Variants in MND1 observed in about 807,000 individuals in gnomAD.
MND1 encodes meiotic nuclear divisions 1.
In MND1, 28 loss-of-function variants were observed where a neutral mutation model predicts 35.1. That is an observed-to-expected ratio of 0.80 (90% CI 0.59 to 1.09). The LOEUF (loss-of-function observed/expected upper bound fraction) is 1.09. Among genes scored for constraint, MND1 ranks in the 50% least tolerant of loss-of-function variants. The probability of loss-of-function intolerance (pLI) is 0.00; values close to 1 mark genes in which losing one functional copy is unlikely to be tolerated. For missense variants in MND1, 213 were observed against 239.6 expected (o/e 0.89, Z 0.73); for synonymous variants, 69 against 70.5 (o/e 0.98, Z 0.11).
At chr4:153,383,453 T>C (rs1021581728) in intron 4 of MND1, among the ~76,000 whole-genome samples, 1 of 152,214 alleles carries the variant, frequency 6.6e-6, no homozygotes, top group Non-Finnish European at 1.5e-5. Context: ...AGCTTAAATA[T>C]ATCCTAGGCC....
chr4:153,391,245 C>T (rs534502153), intron 4 of MND1, among the ~76,000 whole-genome samples: 1 of 152,010 alleles, frequency 6.6e-6, no homozygotes, highest in South Asian at 2.1e-4. Context: ...CTCATTGCAA[C>T]CTCTGCCTCC....
chr4:153,412,557 A>G lies in MND1; in HGVS notation c.512-2194A>G, dbSNP rs1159115765. On this transcript the variant is annotated intron_variant, in intron 7 of 7. Coordinates refer to ENST00000240488, the MANE Select transcript of MND1 (RefSeq NM_032117.4). ...GAGTGCAGTGGTGCAATCTCAGCTC[A>G]TCGCAACCTCCACCTCCCTGGTTCA... Among the ~76,000 whole-genome samples the G allele has an allele frequency of 4.0e-5, 6 of 148,740 alleles. No individual in the cohort carries two copies. The East Asian group carries it at 1.2e-3, about 29-fold the overall frequency.
intron 4 of MND1, among the ~76,000 whole-genome samples, chr4:153,385,252 T>G (rs992904702): frequency 6.6e-6 from 1 of 152,230 alleles, no homozygotes; most frequent in African/African-American, 2.4e-5. Flanking sequence ...AAATTTGATA[T>G]CTCCCGAAAT....
At chr4:153,381,684 ATATATATATTTTTTTTTT>A (rs1451645323) in intron 4 of MND1, 2 of 18,722 alleles carry the variant, frequency 1.1e-4, no homozygotes, top group South Asian at 2.3e-3. Context: ...ATATATATAT[ATATATATATTTTTTTTTT>A]TTTTTTTTTT....
At chr4:153,362,256 C>A (rs2149635754) in intron 4 of MND1, among the ~76,000 whole-genome samples, 1 of 152,246 alleles carries the variant, frequency 6.6e-6, no homozygotes, top group African/African-American at 2.4e-5. Context: ...CACTCCCAAA[C>A]CTCATGTCAA....
chr4:153,363,072 A>T, intron 4 of MND1: 1 of 936,990 alleles, frequency 1.1e-6, no homozygotes, highest in Non-Finnish European at 1.3e-6. Context: ...ACTTTGAGCT[A>T]TATGCTGGAG....
chr4:153,371,775 A>C (rs80119931), intron 4 of MND1, among the ~76,000 whole-genome samples: 2,602 of 152,148 alleles, frequency 0.017, 54 homozygotes, highest in East Asian at 0.076. Context: ...AATTTCTTTC[A>C]GGAACTTTTC....
intron 4 of MND1, among the ~76,000 whole-genome samples, chr4:153,377,837 C>G (rs1728554506): frequency 6.6e-6 from 1 of 152,096 alleles, no homozygotes; most frequent in Admixed American, 6.5e-5. Flanking sequence ...TTTTCTTTTT[C>G]TTTATCTATA....
Position 153,358,548 on chromosome 4 carries a change from T to TG in MND1, c.202_203insG (p.Ser68CysfsTer2). 6.2e-7 allele frequency: 1 copy of TG among 1,613,704 alleles called. No homozygotes were observed. Among genetic ancestry groups the TG allele is most frequent in the South Asian group, 1.1e-5 (1 of 91,016 alleles). On this transcript the variant is annotated frameshift_variant, in exon 4 of 8. Transcript: ENST00000240488. LOFTEE classifies it high-confidence loss of function. ...GGTTGACTGTGAGAGGATCGGAACT[T>TG]CTAATTATTATTGGGCTTTTCCAAG...
chr4:153,400,186 G>A (rs1027131755), intron 6 of MND1, among the ~76,000 whole-genome samples: 2 of 151,988 alleles, frequency 1.3e-5, no homozygotes, highest in African/African-American at 2.4e-5. Flanking sequence ...TGGGATTACA[G>A]GTGTGATTCA....
At chr4:153,411,230 G>A (rs1729673062) in intron 7 of MND1, among the ~76,000 whole-genome samples, 1 of 152,148 alleles carries the variant, frequency 6.6e-6, no homozygotes, top group African/African-American at 2.4e-5. Context: ...ATCTTAATGA[G>A]TGAAGAGGGA....
chr4:153,359,951 C>T (rs1280102587), intron 4 of MND1, among the ~76,000 whole-genome samples: 1 of 151,966 alleles, frequency 6.6e-6, no homozygotes, highest in Non-Finnish European at 1.5e-5. Context: ...CCACACCCAA[C>T]TAATTTTGTA....
At chr4:153,399,386 AC>A (rs1466299118) in intron 6 of MND1, among the ~76,000 whole-genome samples, 2 of 152,120 alleles carry the variant, frequency 1.3e-5, no homozygotes, top group Non-Finnish European at 2.9e-5. Context: ...TATTCTGCCC[AC>A]TCAGGAATGA....
chr4:153,409,937 G>T (rs1032952506), intron 7 of MND1, among the ~76,000 whole-genome samples: 3 of 152,170 alleles, frequency 2.0e-5, no homozygotes, highest in Non-Finnish European at 2.9e-5. Flanking sequence ...AATCCAAGGT[G>T]ATTTCCCCCA....
chr4:153,392,146 G>T (rs1380482295), intron 4 of MND1, among the ~76,000 whole-genome samples: 3 of 151,336 alleles, frequency 2.0e-5, no homozygotes, highest in South Asian at 2.1e-4. Context: ...CTGTCACCCA[G>T]GCTGGAGTGC....
intron 6 of MND1, among the ~76,000 whole-genome samples, chr4:153,398,977 T>C (rs1729273182): frequency 6.6e-6 from 1 of 152,190 alleles, no homozygotes; most frequent in South Asian, 2.1e-4. Context: ...ACCTTCTCAT[T>C]CTCTTGCAAG....
At chr4:153,365,907 A>C (rs1043364842) in intron 4 of MND1, among the ~76,000 whole-genome samples, 1 of 152,218 alleles carries the variant, frequency 6.6e-6, no homozygotes, top group African/African-American at 2.4e-5. Context: ...GAATTGTATT[A>C]GTTTTTTATG....
At chr4:153,353,559 AT>A (rs1164148701) in intron 2 of MND1, among the ~76,000 whole-genome samples, 1 of 150,760 alleles carries the variant, frequency 6.6e-6, no homozygotes, top group African/African-American at 2.4e-5. Context: ...TTTTGCGATT[AT>A]TTTAATCTAG....
chr4:153,351,092 T>A (rs1177701609), intron 2 of MND1, among the ~76,000 whole-genome samples: 1 of 152,040 alleles, frequency 6.6e-6, no homozygotes, highest in Non-Finnish European at 1.5e-5. Context: ...ATTGGTGAAG[T>A]CTCTATGTGA....
Sources: gnomAD v4.1 joint callset for allele counts (sites outside exome capture counted in the v4.1 genomes callset) on GRCh38, gnomAD v4.1.1 for gene constraint, MANE v1.5 for transcripts, NCBI Gene and HGNC (gene_info 2026-07-23, HGNC 2026-07-21) for gene names.